Variants in DCDC1 observed in about 807,000 individuals in gnomAD.
The protein encoded by DCDC1 is doublecortin domain-containing protein 1.
A neutral mutation model predicts 178.3 loss-of-function variants in DCDC1; 200 were observed. The ratio of observed to expected loss-of-function variants is 1.12; its 90% CI spans 1.00 to 1.26. DCDC1 has a LOEUF of 1.26. Among genes scored for constraint, DCDC1 ranks in the 50% most tolerant of loss-of-function variants. DCDC1 has a pLI of 0.00. For missense variants in DCDC1, 1,983 were observed against 1,749.2 expected (o/e 1.13, Z -2.38); for synonymous variants, 690 against 604.8 (o/e 1.14, Z -2.07).
chr11:31,361,369 A>T (rs1399670355), intron 1 of DCDC1, among the ~76,000 whole-genome samples: 1 of 152,248 alleles, frequency 6.6e-6, no homozygotes, highest in Non-Finnish European at 1.5e-5. Context: ...ACACAGCCTC[A>T]TTAGCACAAA....
chr11:31,187,508 CAAAA>C (rs918796934), intron 9 of DCDC1, among the ~76,000 whole-genome samples: 1 of 150,308 alleles, frequency 6.7e-6, no homozygotes, highest in Non-Finnish European at 1.5e-5. Flanking sequence ...AACAAACAAA[CAAAA>C]AAAAACTTAA....
intron 18 of DCDC1, among the ~76,000 whole-genome samples, chr11:31,073,709 T>C (rs1209498164): frequency 1.3e-5 from 2 of 152,206 alleles, no homozygotes; most frequent in South Asian, 2.1e-4. Context: ...GAGTGAAATC[T>C]TGAGCAAAGT....
chr11:31,066,097 C>T (rs1340760637), intron 18 of DCDC1, among the ~76,000 whole-genome samples: 1 of 152,116 alleles, frequency 6.6e-6, no homozygotes, highest in Non-Finnish European at 1.5e-5. Flanking sequence ...TTATGTTAAT[C>T]CGGCCCATCT....
At chr11:31,001,642 A>G (rs1243586463) in intron 20 of DCDC1, among the ~76,000 whole-genome samples, 1 of 152,170 alleles carries the variant, frequency 6.6e-6, no homozygotes, top group Non-Finnish European at 1.5e-5. Flanking sequence ...AAAACAGACA[A>G]ACCACTCTGT....
intron 9 of DCDC1, among the ~76,000 whole-genome samples, chr11:31,157,151 G>T (rs545230289): frequency 6.6e-6 from 1 of 151,500 alleles, no homozygotes; most frequent in East Asian, 1.9e-4. Flanking sequence ...GGCCAAGCTG[G>T]GAGGATCGCT....
chr11:30,923,972 C>T (rs1946431761), intron 23 of DCDC1, among the ~76,000 whole-genome samples: 1 of 152,066 alleles, frequency 6.6e-6, no homozygotes, highest in Non-Finnish European at 1.5e-5. Context: ...CATATTTAAT[C>T]ATGTAACTAA....
chr11:30,956,974 C>A (rs999252710), intron 20 of DCDC1, among the ~76,000 whole-genome samples: 1 of 152,140 alleles, frequency 6.6e-6, no homozygotes, highest in Non-Finnish European at 1.5e-5. Context: ...CTTCTTATTT[C>A]ACTGAGAAAA....
At chr11:31,104,369 C>A (rs1056572810) in intron 13 of DCDC1, among the ~76,000 whole-genome samples, 3 of 152,054 alleles carry the variant, frequency 2.0e-5, no homozygotes, top group Admixed American at 1.3e-4. Context: ...AACGACATCA[C>A]CTCTGCAGTC....
intron 1 of DCDC1, among the ~76,000 whole-genome samples, chr11:31,343,157 A>G (rs1950632525): frequency 6.6e-6 from 1 of 152,168 alleles, no homozygotes; most frequent in Non-Finnish European, 1.5e-5. Flanking sequence ...CTGTAGTCCT[A>G]GCTACTTGGT....
chr11:31,302,101 C>A (rs1192534580), intron 6 of DCDC1, among the ~76,000 whole-genome samples: 2 of 152,040 alleles, frequency 1.3e-5, no homozygotes, highest in African/African-American at 2.4e-5. Context: ...AAATATTCAA[C>A]CAAAAAGTTT....
intron 7 of DCDC1, among the ~76,000 whole-genome samples, chr11:31,274,685 C>T (rs1024594127): frequency 1.7e-4 from 25 of 144,514 alleles, no homozygotes; most frequent in Non-Finnish European, 3.0e-4. Flanking sequence ...ATGATATGAT[C>T]ATTTCACAAA....
intron 9 of DCDC1, among the ~76,000 whole-genome samples, chr11:31,234,142 C>T (rs537882721): frequency 6.6e-6 from 1 of 152,056 alleles, no homozygotes; most frequent in East Asian, 1.9e-4. Flanking sequence ...TTGCCATATC[C>T]TTTTTCCATG....
At chr11:31,329,227 G>A (rs1052886287) in intron 2 of DCDC1, among the ~76,000 whole-genome samples, 1 of 152,052 alleles carries the variant, frequency 6.6e-6, no homozygotes, top group African/African-American at 2.4e-5. Flanking sequence ...AGCCAAAAGA[G>A]ATGAAAGCAG....
chr11:31,144,167 C>T (rs1292436776), intron 9 of DCDC1, among the ~76,000 whole-genome samples: 1 of 152,096 alleles, frequency 6.6e-6, no homozygotes, highest in East Asian at 1.9e-4. Context: ...GTCTTTCTTG[C>T]TCTGTTGTCC....
chr11:31,249,883 A>G (rs1943854572), intron 8 of DCDC1, among the ~76,000 whole-genome samples: 1 of 152,160 alleles, frequency 6.6e-6, no homozygotes. Flanking sequence ...AACAGATTAT[A>G]AAACAGTTTG....
intron 17 of DCDC1, among the ~76,000 whole-genome samples, chr11:31,080,816 T>C (rs552944010): frequency 2.0e-5 from 3 of 152,340 alleles, no homozygotes; most frequent in Non-Finnish European, 4.4e-5. Context: ...CTCTCCTGTT[T>C]CATAAATTAT....
intron 8 of DCDC1, among the ~76,000 whole-genome samples, chr11:31,252,448 T>C (rs528243963): frequency 2.6e-5 from 4 of 152,306 alleles, no homozygotes; most frequent in African/African-American, 7.2e-5. Context: ...GGGGCTTTCA[T>C]TGGCTGCAAG....
At chr11:31,201,020 G>A (rs1001449927) in intron 9 of DCDC1, among the ~76,000 whole-genome samples, 1 of 151,558 alleles carries the variant, frequency 6.6e-6, no homozygotes, top group African/African-American at 2.4e-5. Flanking sequence ...CTCTCTTTGA[G>A]CACTTTCCAC....
intron 21 of DCDC1, chr11:30,943,527 A>T (rs372834364): frequency 2.7e-6 from 1 of 373,316 alleles, no homozygotes; most frequent in East Asian, 7.5e-5. Context: ...CATCTTTTTA[A>T]TCTTACTTTT....
Sources: allele counts gnomAD v4.1 joint callset (sites outside exome capture counted in the v4.1 genomes callset), GRCh38; gene constraint gnomAD v4.1.1; transcripts MANE v1.5; gene names NCBI Gene and HGNC (gene_info 2026-07-23, HGNC 2026-07-21).